DGKH: variants seen among roughly 807,000 people sequenced by gnomAD.
DGKH encodes DAG kinase eta.
Under a neutral mutation model 159.3 loss-of-function variants are expected in DGKH, and 90 were observed. The ratio of observed to expected loss-of-function variants is 0.57; its 90% confidence interval spans 0.48 to 0.67. The LOEUF is 0.67. Ranked by LOEUF, DGKH falls within the 30% of genes least tolerant of loss-of-function variation. DGKH has a pLI of 0.00. For synonymous variants in DGKH, 536 were observed against 553.8 expected, an observed-to-expected ratio of 0.97 and a Z score of 0.45; for missense variants, 1,181 against 1,506.1, an observed-to-expected ratio of 0.78 and a Z score of 3.57.
intron 3 of DGKH, among the ~76,000 whole-genome samples, chr13:42,131,438 G>T (rs150628263): frequency 6.6e-6 from 1 of 152,184 alleles, no homozygotes; most frequent in African/African-American, 2.4e-5. Context: ...AGCATTGAAC[G>T]GGAGACAGAA....
chr13:42,076,825 C>T (rs1379436981), intron 1 of DGKH, among the ~76,000 whole-genome samples: 1 of 152,024 alleles, frequency 6.6e-6, no homozygotes, highest in African/African-American at 2.4e-5. Context: ...CTTGAATCTG[C>T]TAATTAAAAT....
intron 4 of DGKH, 126 bp from the exon 5 acceptor site, chr13:42,155,541 A>C: frequency 6.5e-7 from 1 of 1,549,960 alleles, no homozygotes; most frequent in Non-Finnish European, 8.8e-7. Context: ...ATCTTAAAGC[A>C]AAGTGCTTTG....
At chr13:42,206,604 G>C (rs185384540) in intron 21 of DGKH, among the ~76,000 whole-genome samples, 181 of 150,202 alleles carry the variant, frequency 1.2e-3, no homozygotes, top group African/African-American at 4.3e-3. Context: ...CAAGGTGTCA[G>C]CTGGGCTGTT....
At chr13:42,135,455 A>C (rs955418160) in intron 3 of DGKH, among the ~76,000 whole-genome samples, 9 of 143,104 alleles carry the variant, frequency 6.3e-5, no homozygotes, top group Non-Finnish European at 1.5e-5. Flanking sequence ...GCACCACTGC[A>C]CTCCAGTCTG....
chr13:42,184,812 A>G (rs545293771), intron 13 of DGKH, among the ~76,000 whole-genome samples: 74 of 151,944 alleles, frequency 4.9e-4, no homozygotes, highest in African/African-American at 1.4e-3. Flanking sequence ...GGATGCAGTT[A>G]CCTATGATCA....
At chr13:42,195,077 T>G in intron 17 of DGKH, 61 bp downstream of exon 17, 1 of 1,566,750 alleles carries the variant, frequency 6.4e-7, no homozygotes. Context: ...GTGTAAGTAT[T>G]TATTTCTATT....
intron 1 of DGKH, among the ~76,000 whole-genome samples, chr13:42,098,412 G>T (rs1954587710): frequency 6.6e-6 from 1 of 152,004 alleles, no homozygotes; most frequent in South Asian, 2.1e-4. Flanking sequence ...ACTTGAACTC[G>T]GGATGCAGAG....
At chr13:42,146,839 A>C (rs1033939976) in intron 3 of DGKH, among the ~76,000 whole-genome samples, 3 of 152,238 alleles carry the variant, frequency 2.0e-5, no homozygotes, top group African/African-American at 7.2e-5. Context: ...CAGGCTTAGG[A>C]GGGATATGTG....
chr13:42,202,135 A>G (rs972292309), intron 20 of DGKH, among the ~76,000 whole-genome samples: 14 of 152,380 alleles, frequency 9.2e-5, no homozygotes, highest in African/African-American at 3.4e-4. Context: ...GGGAAAATAA[A>G]ATGAGTAAAA....
Position 42,199,677 on chromosome 13 carries a change from G to A in DGKH, c.2396+1G>A. ...GAGAGGAGCACCCTGAAAAATGCAG[G>A]TAATTTTAGTAAAAGTAATAATGCT... On this transcript the variant is annotated splice_donor_variant, in intron 19 of 29. Transcript: ENST00000337343. LOFTEE classifies it high-confidence loss of function. 1 of 1,580,742 alleles carries A rather than the reference G, an allele frequency of 6.3e-7. No homozygotes were observed. The highest frequency in any genetic ancestry group is 1.9e-5 in the Admixed American group (1 of 52,668).
intron 11 of DGKH, 131 bp from the exon 12 acceptor site, chr13:42,173,929 C>A: frequency 2.2e-5 from 11 of 491,774 alleles, no homozygotes; most frequent in South Asian, 8.9e-5. Flanking sequence ...TAAAATAAAC[C>A]ATAGTTCATG....
At chr13:42,124,980 A>G (rs541206304) in intron 1 of DGKH, among the ~76,000 whole-genome samples, 1 of 152,200 alleles carries the variant, frequency 6.6e-6, no homozygotes, top group South Asian at 2.1e-4. Flanking sequence ...TCCGACAGCT[A>G]TAATTGGTTT....
At chr13:42,183,645 A>AT (rs1228117191) in intron 13 of DGKH, among the ~76,000 whole-genome samples, 1 of 152,240 alleles carries the variant, frequency 6.6e-6, no homozygotes, top group East Asian at 1.9e-4. Context: ...GAAAAGTTGT[A>AT]TTCCACTAAC....
At chr13:42,225,281 C>A in intron 29 of DGKH, 1 of 1,585,262 alleles carries the variant, frequency 6.3e-7, no homozygotes, top group Non-Finnish European at 8.5e-7. Context: ...GCATCATTTT[C>A]TTTGCTAGAA....
intron 7 of DGKH, among the ~76,000 whole-genome samples, chr13:42,161,801 A>G (rs1956189235): frequency 6.6e-6 from 1 of 151,886 alleles, no homozygotes; most frequent in Non-Finnish European, 1.5e-5. Context: ...AAAAGAAAAG[A>G]AAAGAAAAAG....
At chr13:42,165,869 C>G (rs188098215) in intron 8 of DGKH, among the ~76,000 whole-genome samples, 32 of 152,194 alleles carry the variant, frequency 2.1e-4, no homozygotes, top group African/African-American at 6.7e-4. Flanking sequence ...CAACTTAACT[C>G]TAAAGTGCTG....
At chr13:42,216,107 A>T (rs1957788124) in intron 26 of DGKH, among the ~76,000 whole-genome samples, 1 of 152,224 alleles carries the variant, frequency 6.6e-6, no homozygotes. Flanking sequence ...TCAAGAAGTA[A>T]ATTTCAAGAA....
intron 1 of DGKH, among the ~76,000 whole-genome samples, chr13:42,074,318 A>G (rs1226474583): frequency 6.6e-6 from 1 of 152,184 alleles, no homozygotes; most frequent in Admixed American, 6.5e-5. Context: ...TTATTCTTAC[A>G]GCTTCATGTC....
chr13:42,091,295 A>G (rs1954412877), intron 1 of DGKH, among the ~76,000 whole-genome samples: 1 of 152,190 alleles, frequency 6.6e-6, no homozygotes, highest in South Asian at 2.1e-4. Flanking sequence ...ATAGATAATA[A>G]AAGAAAAAAT....
Sources: gnomAD v4.1 joint callset for allele counts (sites outside exome capture counted in the v4.1 genomes callset) on GRCh38, gnomAD v4.1.1 for gene constraint, MANE v1.5 for transcripts, NCBI Gene and HGNC (gene_info 2026-07-23, HGNC 2026-07-21) for gene names.